The following HDAC4 variants were observed in gnomAD, a reference collection of about 807,000 sequenced individuals.
HDAC4 encodes histone deacetylase 4, also known as histone deacetylase A.
A neutral mutation model predicts 135.1 loss-of-function variants in HDAC4; 16 were observed. The observed-to-expected ratio is 0.12, with a 90% CI of 0.08 to 0.18. The LOEUF is 0.18. HDAC4 is among the 10% of genes least tolerant of loss of function. The probability of loss-of-function intolerance (pLI) is 1.00; values close to 1 mark genes in which losing one functional copy is unlikely to be tolerated. For synonymous variants in HDAC4, 685 were observed against 653.4 expected (o/e 1.05, Z -0.74); for missense variants, 1,143 against 1,511.8 (o/e 0.76, Z 4.05).
chr2:239,274,991 G>C (rs568927538), intron 2 of HDAC4, among the ~76,000 whole-genome samples: 6 of 152,374 alleles, frequency 3.9e-5, no homozygotes, highest in African/African-American at 1.4e-4. Context: ...TTGTGTGAGA[G>C]GGAAGAACAG....
At chr2:239,205,038 T>C (rs980617976) in intron 3 of HDAC4, among the ~76,000 whole-genome samples, 1 of 152,262 alleles carries the variant, frequency 6.6e-6, no homozygotes, top group Non-Finnish European at 1.5e-5. Context: ...CCTCTGTCCC[T>C]CAGCACTGAA....
chr2:239,242,262 C>G (rs1002851751), intron 2 of HDAC4, among the ~76,000 whole-genome samples: 1 of 138,138 alleles, frequency 7.2e-6, no homozygotes, highest in African/African-American at 2.8e-5. Context: ...GGGAGGGAAA[C>G]GAACAGTGCC....
chr2:239,381,091 C>T (rs113096188), intron 1 of HDAC4, among the ~76,000 whole-genome samples: 2,587 of 152,280 alleles, frequency 0.017, 31 homozygotes, highest in Middle Eastern at 0.071. Context: ...CACCTGAACA[C>T]GTGACGTACA....
intron 16 of HDAC4, among the ~76,000 whole-genome samples, chr2:239,098,661 G>C (rs1279517617): frequency 2.0e-5 from 3 of 152,218 alleles, no homozygotes; most frequent in Non-Finnish European, 4.4e-5. Flanking sequence ...AAATATGAAG[G>C]CCCTTGCACA....
intron 2 of HDAC4, among the ~76,000 whole-genome samples, chr2:239,243,982 T>G (rs2048334451): frequency 6.6e-6 from 1 of 152,218 alleles, no homozygotes; most frequent in Non-Finnish European, 1.5e-5. Context: ...TCCTTGTTTT[T>G]GACCACCTTG....
At chr2:239,116,077 C>T (rs2039108987) in intron 12 of HDAC4, among the ~76,000 whole-genome samples, 1 of 152,196 alleles carries the variant, frequency 6.6e-6, no homozygotes. Flanking sequence ...GGTCTCCCTC[C>T]CCGGCCTCTC....
At chr2:239,094,783 G>A (rs2036847296) in intron 17 of HDAC4, 1 of 1,405,048 alleles carries the variant, frequency 7.1e-7, no homozygotes, top group Admixed American at 2.6e-5. Flanking sequence ...GCACCCCAGA[G>A]CCCCAGCCAC....
intron 7 of HDAC4, 90 bp downstream of exon 7, chr2:239,156,562 T>C: frequency 6.6e-7 from 1 of 1,514,204 alleles, no homozygotes. Flanking sequence ...CTTCTCTAAG[T>C]GGAAGACAGC....
At chr2:239,347,454 A>C (rs902525990) in intron 2 of HDAC4, among the ~76,000 whole-genome samples, 2 of 152,208 alleles carry the variant, frequency 1.3e-5, no homozygotes, top group East Asian at 3.9e-4. Flanking sequence ...CAGAATATTA[A>C]GAAATCATAG....
chr2:239,120,602 G>A (rs1208138650), intron 12 of HDAC4, among the ~76,000 whole-genome samples: 1 of 117,632 alleles, frequency 8.5e-6, no homozygotes, highest in Non-Finnish European at 1.8e-5. Flanking sequence ...GTGGGGGAGG[G>A]AAATGGGGGG....
At chr2:239,231,505 G>C (rs1003543253) in intron 3 of HDAC4, among the ~76,000 whole-genome samples, 45 of 152,246 alleles carry the variant, frequency 3.0e-4, no homozygotes, top group African/African-American at 1.1e-3. Context: ...ACGGTGGAGA[G>C]CAGCGCCATG....
chr2:239,131,092 G>A (rs1013010963), intron 11 of HDAC4, among the ~76,000 whole-genome samples: 1 of 152,224 alleles, frequency 6.6e-6, no homozygotes, highest in Non-Finnish European at 1.5e-5. Flanking sequence ...GCGGAGTGCC[G>A]CACTGGAGCA....
At chr2:239,079,722 G>A (rs1323126193) in intron 22 of HDAC4, among the ~76,000 whole-genome samples, 4 of 151,846 alleles carry the variant, frequency 2.6e-5, no homozygotes, top group African/African-American at 4.8e-5. Flanking sequence ...ACAAGCACAC[G>A]TGTGTGTACT....
At chr2:239,282,659 C>G (rs537451456) in intron 2 of HDAC4, among the ~76,000 whole-genome samples, 22 of 146,954 alleles carry the variant, frequency 1.5e-4, no homozygotes, top group Non-Finnish European at 2.5e-4. Context: ...ACAATGTACA[C>G]CCCACTCTAC....
chr2:239,086,476 C>T (rs2035967811), intron 19 of HDAC4, among the ~76,000 whole-genome samples: 1 of 151,558 alleles, frequency 6.6e-6, no homozygotes, highest in South Asian at 2.1e-4. Flanking sequence ...CTCTCACGTA[C>T]AATCTCTTCC....
chr2:239,348,828 T>C lies in HDAC4; in HGVS notation c.22+3850A>G, dbSNP rs932807200. 2.0e-5 allele frequency among the ~76,000 whole-genome samples: 3 copies of C among 152,186 alleles called. No individual in the cohort carries two copies. The South Asian group carries it at 6.2e-4, about 32-fold the overall frequency. On this transcript the variant is annotated intron_variant, in intron 2 of 26. Transcript: ENST00000543185. Reference sequence around the variant, plus strand: ...GCTCACATCATTAGAAATCGTTCTTTAGAGCAATAAAATCCCAACAGTTAA... The same window carrying C: ...GCTCACATCATTAGAAATCGTTCTTCAGAGCAATAAAATCCCAACAGTTAA...
chr2:239,055,749 T>C (rs2031740896), intron 24 of HDAC4, among the ~76,000 whole-genome samples: 1 of 146,622 alleles, frequency 6.8e-6, no homozygotes, highest in Non-Finnish European at 1.5e-5. Context: ...AAATGGATTA[T>C]AAAAATATAG....
At chr2:239,318,158 T>G (rs2053181933) in intron 2 of HDAC4, among the ~76,000 whole-genome samples, 1 of 151,990 alleles carries the variant, frequency 6.6e-6, no homozygotes, top group African/African-American at 2.4e-5. Flanking sequence ...CCAGATTATC[T>G]CCCTACCAGA....
intron 12 of HDAC4, among the ~76,000 whole-genome samples, chr2:239,121,794 G>A (rs1056198464): frequency 1.4e-4 from 22 of 152,228 alleles, no homozygotes; most frequent in Non-Finnish European, 5.9e-5. Flanking sequence ...TGACGCAGGC[G>A]CCTGTGGGTC....
Sources: gnomAD v4.1 joint callset for allele counts (sites outside exome capture counted in the v4.1 genomes callset) on GRCh38, gnomAD v4.1.1 for gene constraint, MANE v1.5 for transcripts, NCBI Gene and HGNC (gene_info 2026-07-23, HGNC 2026-07-21) for gene names.